TARS3: variants seen among roughly 807,000 people sequenced by gnomAD.
TARS3 encodes the protein threonyl-tRNA synthetase 3.
Under a neutral mutation model 103.5 loss-of-function variants are expected in TARS3, and 94 were observed. The ratio of observed to expected loss-of-function variants is 0.91; its 90% CI spans 0.77 to 1.08. The LOEUF is 1.08. Among genes scored for constraint, TARS3 ranks in the 50% least tolerant of loss-of-function variants. The pLI, the probability that TARS3 is intolerant of heterozygous loss-of-function variation, is 0.00. For missense variants in TARS3, 952 were observed against 995.2 expected (o/e 0.96, Z 0.58); for synonymous variants, 416 against 355.4 (o/e 1.17, Z -1.92).
intron 8 of TARS3, among the ~76,000 whole-genome samples, chr15:101,702,761 C>T (rs1596317570): frequency 6.6e-6 from 1 of 152,184 alleles, no homozygotes; most frequent in East Asian, 1.9e-4. Flanking sequence ...CAATGCAAGA[C>T]CTTGTCTCAA....
At chr15:101,667,449 T>C (rs1897624099) in intron 15 of TARS3, among the ~76,000 whole-genome samples, 2 of 152,222 alleles carry the variant, frequency 1.3e-5, no homozygotes, top group Non-Finnish European at 2.9e-5. Context: ...GCTTCATATA[T>C]ATTGAAAATC....
intron 15 of TARS3, among the ~76,000 whole-genome samples, chr15:101,666,922 G>A (rs1211952756): frequency 6.6e-6 from 1 of 152,148 alleles, no homozygotes; most frequent in Non-Finnish European, 1.5e-5. Flanking sequence ...TAATGTATAT[G>A]GCATGTAGTG....
At chr15:101,675,536 T>A (rs1897985067) in intron 13 of TARS3, 64 bp downstream of exon 13, 9 of 1,499,492 alleles carry the variant, frequency 6.0e-6, no homozygotes, top group Admixed American at 2.1e-5. Context: ...CTGTGAAGAC[T>A]GCAGCCTCTC....
chr15:101,712,740 A>G (rs1232751900), intron 4 of TARS3, among the ~76,000 whole-genome samples: 2 of 152,228 alleles, frequency 1.3e-5, no homozygotes, highest in East Asian at 3.8e-4. Context: ...AAATAAATAT[A>G]GGTACCAAAG....
intron 10 of TARS3, among the ~76,000 whole-genome samples, chr15:101,688,042 A>G (rs572645536): frequency 6.6e-6 from 1 of 152,164 alleles, no homozygotes; most frequent in African/African-American, 2.4e-5. Flanking sequence ...CAAACTAATG[A>G]ATATAATCCC....
intron 13 of TARS3, among the ~76,000 whole-genome samples, chr15:101,675,020 C>G (rs946702758): frequency 6.6e-6 from 1 of 151,772 alleles, no homozygotes; most frequent in African/African-American, 2.4e-5. Context: ...GCCATGACAC[C>G]ATCCTCATTT....
chr15:101,664,952 A>T (rs1190386438), intron 15 of TARS3, among the ~76,000 whole-genome samples: 1 of 152,262 alleles, frequency 6.6e-6, no homozygotes, highest in African/African-American at 2.4e-5. Context: ...TGAAAACTAC[A>T]ATCACAGAAA....
intron 9 of TARS3, among the ~76,000 whole-genome samples, chr15:101,701,534 T>C (rs1232017423): frequency 6.6e-6 from 1 of 152,192 alleles, no homozygotes; most frequent in African/African-American, 2.4e-5. Flanking sequence ...GGCTGCTGCC[T>C]ACTGAGAGCC....
chr15:101,701,198 A>G lies in TARS3; in HGVS notation c.1222-14T>C, dbSNP rs1448003003. 4 of 1,545,740 alleles carry G rather than the reference A, an allele frequency of 2.6e-6. No individual in the cohort carries two copies. The South Asian group carries it at 4.8e-5, about 19-fold the overall frequency. ...AAGTTCTTGTTCCTAGATTGAAACA[A>G]AAATTGCATTTCAAATGTCATCTGC... is the stretch of plus-strand genomic sequence containing the variant. On this transcript the variant is annotated splice_polypyrimidine_tract_variant and intron_variant, in intron 9 of 18. Coordinates refer to ENST00000335968, the MANE Select transcript of TARS3 (RefSeq NM_152334.3).
Position 101,724,420 on chromosome 15 carries a change from G to A in TARS3, c.-33C>T, listed in dbSNP as rs1596337124. The A allele has an allele frequency of 6.6e-6, 9 of 1,371,692 alleles. No individual in the cohort carries two copies. The highest frequency in any genetic ancestry group is 3.0e-5 in the East Asian group (1 of 33,352). 85.0% of individuals were successfully genotyped at this position (1,371,692 alleles called of 1,614,324 possible). Reference sequence around the variant, plus strand: ...TCCCTCAGGCACCGACGCCGAGCGGGGTGCCCGCGACTGCGGCGAGGGCGA... The same window carrying A: ...TCCCTCAGGCACCGACGCCGAGCGGAGTGCCCGCGACTGCGGCGAGGGCGA... On this transcript the variant is annotated 5_prime_UTR_variant, in exon 1 of 19. Transcript: ENST00000335968.
At chr15:101,714,992 A>C in intron 3 of TARS3, 29 bp from the exon 4 acceptor site, 1 of 1,596,572 alleles carries the variant, frequency 6.3e-7, no homozygotes, top group Non-Finnish European at 8.5e-7. Context: ...CTTGGGAGTT[A>C]ACTTTATCAC....
intron 7 of TARS3, among the ~76,000 whole-genome samples, chr15:101,704,610 G>A (rs573180094): frequency 8.0e-5 from 12 of 149,800 alleles, no homozygotes; most frequent in South Asian, 2.1e-4. Context: ...AACCGAGGTC[G>A]CGCCATCGCA....
intron 3 of TARS3, 67 bp downstream of exon 3, chr15:101,721,059 A>C: frequency 1.4e-6 from 2 of 1,405,000 alleles, no homozygotes; most frequent in Non-Finnish European, 2.0e-6. Context: ...GGTCCCTAAG[A>C]AAACATTTTC....
chr15:101,697,118 A>C (rs1315522038), intron 10 of TARS3, among the ~76,000 whole-genome samples: 3 of 152,176 alleles, frequency 2.0e-5, no homozygotes, highest in Admixed American at 6.5e-5. Flanking sequence ...TTCCTGTCTT[A>C]CTTTTCCCTC....
chr15:101,707,041 C>G (rs1215003463), intron 6 of TARS3, among the ~76,000 whole-genome samples: 1 of 152,168 alleles, frequency 6.6e-6, no homozygotes, highest in African/African-American at 2.4e-5. Flanking sequence ...AAAGACATTT[C>G]TTCAAGAAAA....
At chr15:101,722,232 T>C (rs1900505496) in intron 2 of TARS3, among the ~76,000 whole-genome samples, 1 of 151,438 alleles carries the variant, frequency 6.6e-6, no homozygotes. Context: ...TTTTTTTTTT[T>C]TCCTTTGAGA....
At chr15:101,668,700 T>C (rs913298689) in intron 15 of TARS3, among the ~76,000 whole-genome samples, 8 of 152,144 alleles carry the variant, frequency 5.3e-5, no homozygotes, top group African/African-American at 1.9e-4. Context: ...CCTGTATATA[T>C]ATATACCGTC....
At chr15:101,675,360 A>G (rs1424750923) in intron 13 of TARS3, among the ~76,000 whole-genome samples, 2 of 152,214 alleles carry the variant, frequency 1.3e-5, no homozygotes, top group Non-Finnish European at 2.9e-5. Flanking sequence ...AGTGACCAGC[A>G]CTGCAGGACT....
chr15:101,720,995 A>G, intron 3 of TARS3, 131 bp downstream of exon 3: 1 of 774,288 alleles, frequency 1.3e-6, no homozygotes, highest in Non-Finnish European at 2.0e-6. Flanking sequence ...TTTATAAATA[A>G]CCCAGTCTCA....
Sources: gnomAD v4.1 joint callset for allele counts (sites outside exome capture counted in the v4.1 genomes callset) on GRCh38, gnomAD v4.1.1 for gene constraint, MANE v1.5 for transcripts, NCBI Gene and HGNC (gene_info 2026-07-23, HGNC 2026-07-21) for gene names.